Variants in ZNF235 observed in about 807,000 individuals in gnomAD.
The protein encoded by ZNF235 is zinc finger protein 235.
A neutral mutation model predicts 29.4 loss-of-function variants in ZNF235; 25 were observed. The observed-to-expected ratio is 0.85, with a 90% CI of 0.62 to 1.19. The LOEUF is 1.19. ZNF235 is among the 50% of genes most tolerant of loss of function. The probability of loss-of-function intolerance (pLI) is 0.00; values close to 1 mark genes in which losing one functional copy is unlikely to be tolerated. For synonymous variants in ZNF235, 300 were observed against 295.3 expected, an observed-to-expected ratio of 1.02 and a Z score of -0.16; for missense variants, 788 against 885.0, an observed-to-expected ratio of 0.89 and a Z score of 1.39.
At position 44,303,533 on chromosome 19, in the gene ZNF235, A is replaced by G. The variant is rs956986451; in HGVS notation, c.-48-81T>C. 3.9e-5 allele frequency: 51 copies of G among 1,300,112 alleles called. No homozygotes were observed. The African/African-American group carries it at 6.5e-4, about 17-fold the overall frequency. The allele number at this position is 1,300,112 out of a possible 1,614,324, so 80.5% of individuals were successfully genotyped here. On this transcript the variant is annotated intron_variant, in intron 1 of 4. Transcript: ENST00000291182. ...CACTTTTATGTGACACTTCAGAGAA[A>G]GGTCCCCCTGTCTCTAGGCAGACAC...
chr19:44,302,972 ATG>A (rs1975767168), intron 2 of ZNF235, among the ~76,000 whole-genome samples: 3 of 105,662 alleles, frequency 2.8e-5, no homozygotes, highest in East Asian at 5.0e-4. Flanking sequence ...ATACGTATAT[ATG>A]TATATATTTA....
intron 2 of ZNF235, among the ~76,000 whole-genome samples, chr19:44,301,897 A>C (rs1975743084): frequency 6.6e-6 from 1 of 152,228 alleles, no homozygotes; most frequent in Non-Finnish European, 1.5e-5. Context: ...AGATAAGGCC[A>C]TCTACATCCT....
chr19:44,292,834 A>G (rs946224178), intron 4 of ZNF235, among the ~76,000 whole-genome samples: 5 of 152,100 alleles, frequency 3.3e-5, no homozygotes, highest in Non-Finnish European at 7.4e-5. Context: ...TCCTAAAATC[A>G]GCAAGAGAAA....
chr19:44,289,672 C>A (rs1432258889), intron 4 of ZNF235: 1 of 152,618 alleles, frequency 6.6e-6, no homozygotes, highest in Non-Finnish European at 1.5e-5. Context: ...AGGTAGAAAC[C>A]AGCCAACTGC....
chr19:44,303,000 ATATATACGTATAT>A (rs1568647726), intron 2 of ZNF235, among the ~76,000 whole-genome samples: 10 of 122,126 alleles, frequency 8.2e-5, no homozygotes, highest in South Asian at 4.4e-4. Flanking sequence ...AAATATATAC[ATATATACGTATAT>A]ATTTATATAA....
chr19:44,289,292 C>G, intron 4 of ZNF235, 96 bp from the exon 5 acceptor site: 1 of 1,189,038 alleles, frequency 8.4e-7, no homozygotes, highest in Non-Finnish European at 1.1e-6. Context: ...CCCATGGAAA[C>G]GTCAAAAAAA....
chr19:44,298,727 G>T, intron 4 of ZNF235, 81 bp downstream of exon 4: 1 of 1,076,540 alleles, frequency 9.3e-7, no homozygotes, highest in Non-Finnish European at 1.4e-6. Flanking sequence ...AGTCTCTCAG[G>T]TAGCTGAGTG....
intron 2 of ZNF235, among the ~76,000 whole-genome samples, chr19:44,302,740 C>G (rs1281864065): frequency 7.2e-6 from 1 of 138,870 alleles, no homozygotes; most frequent in Non-Finnish European, 1.5e-5. Flanking sequence ...GACTCTGTCT[C>G]TAAATATATA....
At chr19:44,293,576 T>A (rs1975613899) in intron 4 of ZNF235, among the ~76,000 whole-genome samples, 2 of 152,058 alleles carry the variant, frequency 1.3e-5, no homozygotes, top group Non-Finnish European at 2.9e-5. Context: ...CAAATGGAGC[T>A]AACAGACATT....
chr19:44,287,644 T>C lies in ZNF235; in HGVS notation c.1791A>G (p.Lys597=). Residue 597 remains lysine, a synonymous_variant, in exon 5 of 5, where the codon AAA becomes AAG. Transcript: ENST00000291182. The stretch of plus-strand genomic sequence containing the variant: ...TCTGACATGCATCACACTTGAATGG[T>C]TTTTCCCCAGTGTGGACGCTCTGAT... ...QAHQSVHTGE[K]PFKCDACQKR... 1 of 1,613,532 alleles carries C rather than the reference T, an allele frequency of 6.2e-7. No homozygotes were observed. The highest frequency in any genetic ancestry group is 8.5e-7 in the Non-Finnish European group (1 of 1,179,762).
chr19:44,296,501 G>A (rs997153333), intron 4 of ZNF235, among the ~76,000 whole-genome samples: 7 of 152,094 alleles, frequency 4.6e-5, no homozygotes, highest in Admixed American at 4.6e-4. Context: ...GATTACAAAT[G>A]GCATCCTACT....
At chr19:44,304,906 A>G (rs1226692962) in intron 1 of ZNF235, 65 bp downstream of exon 1, 1 of 985,328 alleles carries the variant, frequency 1.0e-6, no homozygotes, top group African/African-American at 1.7e-5. Context: ...GGACGGGTTC[A>G]TTGCTGGCCC....
In ZNF235 at chr19:44,303,756, G is replaced by T. The variant is rs142989579; in HGVS notation, c.-48-304C>A. ...CAGGGGAATGTAACAGAGCCAAAAT[G>T]CCTGGCTTCAAATTTTGGCATTTCT... On this transcript the variant is annotated intron_variant, in intron 1 of 4. Transcript: ENST00000291182. 4.6e-3 allele frequency among the ~76,000 whole-genome samples: 708 copies of T among 152,266 alleles called. 4 individuals carry two copies. Among genetic ancestry groups the T allele is most frequent in the African/African-American group, 0.016 (670 of 41,554 alleles).
At chr19:44,293,927 T>G (rs908351492) in intron 4 of ZNF235, among the ~76,000 whole-genome samples, 13 of 146,786 alleles carry the variant, frequency 8.9e-5, no homozygotes, top group Middle Eastern at 3.5e-3. Context: ...AAGAGGGAAG[T>G]TTATAGTGTT....
rs1161468285 is a variant in ZNF235 at position 44,287,135 on chromosome 19, AC to A, written c.*82del. The A allele has an allele frequency of 2.6e-5, 36 of 1,400,566 alleles. No homozygotes were observed. Among genetic ancestry groups the A allele is most frequent in the Non-Finnish European group, 3.4e-5 (35 of 1,044,588 alleles). 86.8% of individuals were successfully genotyped at this position (1,400,566 alleles called of 1,614,324 possible). A position where few individuals can be genotyped will look rare whatever the true frequency, so the allele number is the denominator to read the frequency against. On this transcript the variant is annotated 3_prime_UTR_variant, in exon 5 of 5. Coordinates refer to ENST00000291182, the MANE Select transcript of ZNF235 (RefSeq NM_004234.4). ...CTTTGAAGCTTCTAGTTTTAAAGGAACTTTTCACAATCATCAGCATGGACTT... is the reference window on the plus strand; with the variant it reads ...CTTTGAAGCTTCTAGTTTTAAAGGAATTTTCACAATCATCAGCATGGACTT...
At chr19:44,292,590 A>G (rs1358781535) in intron 4 of ZNF235, among the ~76,000 whole-genome samples, 1 of 151,906 alleles carries the variant, frequency 6.6e-6, no homozygotes, top group African/African-American at 2.4e-5. Flanking sequence ...TCTAAGAAGT[A>G]TGAAACTACA....
intron 4 of ZNF235, among the ~76,000 whole-genome samples, chr19:44,293,305 A>G (rs1423230452): frequency 6.6e-6 from 1 of 152,174 alleles, no homozygotes; most frequent in Non-Finnish European, 1.5e-5. Context: ...AGATAAAAAA[A>G]GACTTTAAAT....
intron 2 of ZNF235, among the ~76,000 whole-genome samples, chr19:44,302,647 C>A (rs1461865360): frequency 6.6e-6 from 1 of 151,198 alleles, no homozygotes; most frequent in African/African-American, 2.4e-5. Flanking sequence ...CCCACCTGCT[C>A]AAGAGGCTAA....
chr19:44,288,391 T>C lies in ZNF235; in HGVS notation c.1044A>G (p.Thr348=), dbSNP rs1975528121. 2.5e-6 allele frequency: 4 copies of C among 1,614,184 alleles called. 1 individual carries two copies. The highest frequency in any genetic ancestry group is 3.4e-6 in the Non-Finnish European group (4 of 1,180,026). Residue 348 remains threonine, a synonymous_variant, in exon 5 of 5, where the codon ACA becomes ACG. Coordinates refer to ENST00000291182, the MANE Select transcript of ZNF235 (RefSeq NM_004234.4). The part of the protein sequence containing the change: ...QRVHTGEKPY[T]CHECGKSFNQ... ...TAAAGCTCTTACCACACTCGTGGCA[T>C]GTATAGGGTTTCTCCCCTGTGTGGA...
Sources: allele counts gnomAD v4.1 joint callset (sites outside exome capture counted in the v4.1 genomes callset), GRCh38; gene constraint gnomAD v4.1.1; transcripts MANE v1.5; gene names NCBI Gene and HGNC (gene_info 2026-07-23, HGNC 2026-07-21).